The following ZNF257 variants were observed in gnomAD, a reference collection of about 807,000 sequenced individuals.
ZNF257 encodes the protein zinc finger protein 257.
A neutral mutation model predicts 11.9 loss-of-function variants in ZNF257; 12 were observed. The observed-to-expected ratio is 1.01, with a 90% CI of 0.65 to 1.63. The LOEUF is 1.63. Among genes scored for constraint, ZNF257 ranks in the 40% most tolerant of loss-of-function variants. ZNF257 has a pLI of 0.00. For synonymous variants in ZNF257, 183 were observed against 222.7 expected (o/e 0.82, Z 1.59); for missense variants, 580 against 665.5 (o/e 0.87, Z 1.41).
intron 1 of ZNF257, among the ~76,000 whole-genome samples, chr19:22,056,634 T>C (rs8110841): frequency 0.24 from 36,883 of 151,734 alleles, 6,217 homozygotes; most frequent in African/African-American, 0.48. Context: ...CGCTACCATG[T>C]CCGGCTAATT....
In ZNF257 at chr19:22,088,816, T is replaced by C; in HGVS notation, c.1066T>C (p.Ser356Pro). ...AGAGTGTGGCAAAGCTTTTAACCGG[T>C]CTTCACACCTTACTCAACATAAGAT... ...CEECGKAFNR[S>P]SHLTQHKIIH... Residue 356 changes from serine to proline, a missense_variant, in exon 4 of 4, where the codon TCT (serine) becomes CCT (proline). Transcript: ENST00000594947. 6.2e-7 allele frequency: 1 copy of C among 1,612,510 alleles called. No homozygotes were observed. The highest frequency in any genetic ancestry group is 8.5e-7 in the Non-Finnish European group (1 of 1,179,546).
rs370783286 is a variant in ZNF257 at position 22,088,028 on chromosome 19, A to AT, written c.284dup (p.Gln96ProfsTer9). 8 of 1,524,862 alleles carry AT rather than the reference A, an allele frequency of 5.2e-6. No individual in the cohort carries two copies. Among genetic ancestry groups the AT allele is most frequent in the African/African-American group, 4.7e-5 (3 of 64,322 alleles). The allele number at this position is 1,524,862 out of a possible 1,614,324, so 94.5% of individuals were successfully genotyped here. On this transcript the variant is annotated frameshift_variant, in exon 4 of 4. Coordinates refer to ENST00000594947, the MANE Select transcript of ZNF257 (RefSeq NM_033468.4). LOFTEE classifies it low-confidence loss of function (END_TRUNC). The stretch of plus-strand genomic sequence containing the variant: ...CTTTGCCCAGAGCGAGACATAAAAT[A>AT]TTTTTTCCAAAAAGTCATACTGAGG...
rs2022582464 is a variant in ZNF257 at position 22,089,632 on chromosome 19, A to G, written c.*190A>G. On this transcript the variant is annotated 3_prime_UTR_variant, in exon 4 of 4. Transcript: ENST00000594947. ...GCTGGAGAGAAACTCTTGAAATGTGATGAATGTGGCATAGCCTCTTCCCAG... is the reference window on the plus strand; with the variant it reads ...GCTGGAGAGAAACTCTTGAAATGTGGTGAATGTGGCATAGCCTCTTCCCAG... 1.3e-5 allele frequency: 18 copies of G among 1,401,438 alleles called. No homozygotes were observed. The South Asian group carries it at 2.2e-4, about 17-fold the overall frequency. The allele number at this position is 1,401,438 out of a possible 1,614,324, so 86.8% of individuals were successfully genotyped here.
intron 1 of ZNF257, among the ~76,000 whole-genome samples, chr19:22,067,914 A>G (rs1454479172): frequency 6.6e-6 from 1 of 151,684 alleles, no homozygotes; most frequent in East Asian, 1.9e-4. Context: ...ATCTCCTGAA[A>G]CCATTCACAA....
intron 1 of ZNF257, among the ~76,000 whole-genome samples, chr19:22,055,916 G>T (rs916806689): frequency 2.6e-5 from 4 of 151,854 alleles, no homozygotes; most frequent in Non-Finnish European, 5.9e-5. Flanking sequence ...TTAGCCGGGC[G>T]ATGTAGCAGG....
intron 3 of ZNF257, among the ~76,000 whole-genome samples, chr19:22,080,169 A>G (rs1568487880): frequency 6.6e-6 from 1 of 152,042 alleles, no homozygotes; most frequent in Non-Finnish European, 1.5e-5. Context: ...TTGTAGGAAC[A>G]GGGTCTCACT....
intron 3 of ZNF257, among the ~76,000 whole-genome samples, chr19:22,087,037 G>A (rs374287439): frequency 2.7e-5 from 4 of 150,454 alleles, no homozygotes; most frequent in African/African-American, 7.3e-5. Context: ...TATTTTTGCC[G>A]TTTTTCTTAT....
In ZNF257 at chr19:22,082,502, C is replaced by G. The variant is rs569183820; in HGVS notation, c.227-5475C>G. 1.8e-4 allele frequency among the ~76,000 whole-genome samples: 27 copies of G among 152,210 alleles called. No homozygotes were observed. The South Asian group carries it at 1.9e-3, about 11-fold the overall frequency. ...ATGTAGCATTTTTTATAGGACAGTG[C>G]TAGTCGTGATGAACACTCTCACCTT... On this transcript the variant is annotated intron_variant, in intron 3 of 3. Coordinates refer to ENST00000594947, the MANE Select transcript of ZNF257 (RefSeq NM_033468.4).
chr19:22,070,087 T>C (rs1415733004), intron 1 of ZNF257, among the ~76,000 whole-genome samples: 3 of 152,144 alleles, frequency 2.0e-5, no homozygotes, highest in African/African-American at 7.2e-5. Flanking sequence ...GTGCTCACAG[T>C]TTTCTGAAAT....
chr19:22,072,974 A>G (rs2022140613), intron 2 of ZNF257, 39 bp downstream of exon 2: 31 of 1,511,050 alleles, frequency 2.1e-5, no homozygotes, highest in South Asian at 1.2e-4. Flanking sequence ...AATATACTCC[A>G]AAGGCTTTAT....
intron 1 of ZNF257, among the ~76,000 whole-genome samples, chr19:22,054,882 C>G (rs573417379): frequency 6.7e-6 from 1 of 148,554 alleles, no homozygotes; most frequent in South Asian, 2.1e-4. Flanking sequence ...GCTATATCTG[C>G]TAGAGTATCT....
At chr19:22,068,425 C>A (rs1278956429) in intron 1 of ZNF257, among the ~76,000 whole-genome samples, 2 of 152,150 alleles carry the variant, frequency 1.3e-5, no homozygotes, top group Admixed American at 6.5e-5. Flanking sequence ...CCAGTTTGAT[C>A]TGACCAAGAA....
chr19:22,078,234 A>G (rs1381253941), intron 3 of ZNF257, among the ~76,000 whole-genome samples: 4 of 117,098 alleles, frequency 3.4e-5, no homozygotes, highest in Non-Finnish European at 7.1e-5. Context: ...GGAGACTCCA[A>G]CTAAAAAAAA....
rs73930397 is a variant in ZNF257, at chr19:22,073,556, A to G, written c.218A>G (p.Lys73Arg). The change falls in exon 3 of 4, where the codon AAA (lysine) becomes AGA (arginine). Residue 73 changes from lysine to arginine, a missense_variant. Lys to Arg is a conservative substitution (Grantham distance 26). Coordinates refer to ENST00000594947, the MANE Select transcript of ZNF257 (RefSeq NM_033468.4). ...CNMKRHEMVA[K>R]PPVMCSHIAE... ...ATGAAGAGACATGAGATGGTAGCCA[A>G]ACCCCCAGGTAGGTGAGAGTGAAAG... 8.6e-3 allele frequency: 13,834 copies of G among 1,610,318 alleles called. 1,092 individuals are homozygous for G. The African/African-American group carries it at 0.16, about 19-fold the overall frequency.
chr19:22,065,998 C>T (rs1359074519), intron 1 of ZNF257: 2 of 152,164 alleles, frequency 1.3e-5, no homozygotes, highest in African/African-American at 4.8e-5. Context: ...GCTGTGCACT[C>T]TGGATGCTTA....
In ZNF257 at chr19:22,088,092, A is replaced by G; in HGVS notation, c.342A>G (p.Arg114=). The G allele has an allele frequency of 2.5e-6, 4 of 1,608,588 alleles. No homozygotes were observed. The highest frequency in any genetic ancestry group is 3.4e-6 in the Non-Finnish European group (4 of 1,176,762). ...DKCEHENLQL[R]KGCKSVDECK... is the part of the protein sequence containing the mutation. ...GTGAACATGAGAATTTACAATTAAG[A>G]AAGGGCTGTAAAAGTGTGGATGAGT... Residue 114 remains arginine (R), a synonymous_variant, in exon 4 of 4, where the codon AGA becomes AGG. Transcript: ENST00000594947.
chr19:22,056,163 C>G (rs1234290509), intron 1 of ZNF257, among the ~76,000 whole-genome samples: 2 of 151,558 alleles, frequency 1.3e-5, no homozygotes, highest in African/African-American at 2.4e-5. Flanking sequence ...AAAATATTTA[C>G]AAAGGGACGG....
chr19:22,060,537 G>A (rs2021769602), intron 1 of ZNF257: 1 of 149,930 alleles, frequency 6.7e-6, no homozygotes, highest in Non-Finnish European at 1.5e-5. Flanking sequence ...TCAGACTGGA[G>A]TGCAGTGGGA....
intron 1 of ZNF257, among the ~76,000 whole-genome samples, chr19:22,067,361 G>T (rs893622711): frequency 6.6e-6 from 1 of 152,060 alleles, no homozygotes; most frequent in African/African-American, 2.4e-5. Context: ...CCACTTTCTT[G>T]TATCTCCTCT....
Sources: gnomAD v4.1 joint callset for allele counts (sites outside exome capture counted in the v4.1 genomes callset) on GRCh38, gnomAD v4.1.1 for gene constraint, MANE v1.5 for transcripts, NCBI Gene and HGNC (gene_info 2026-07-23, HGNC 2026-07-21) for gene names.